The following SAMD4A variants were observed in gnomAD, a reference collection of about 807,000 sequenced individuals.
The protein encoded by SAMD4A is protein Smaug homolog 1.
Under a neutral mutation model 81.3 loss-of-function variants are expected in SAMD4A, and 33 were observed. That is an observed-to-expected ratio of 0.41 (90% CI 0.31 to 0.54). SAMD4A has a LOEUF of 0.54. SAMD4A is among the 20% of genes least tolerant of loss of function. The pLI is 0.37. For missense variants in SAMD4A, 854 were observed against 951.1 expected (o/e 0.90, Z 1.34); for synonymous variants, 389 against 382.1 (o/e 1.02, Z -0.21).
At chr14:54,788,780 C>G (rs757609882) in intron 12 of SAMD4A, 136 bp from the exon 13 acceptor site, 3 of 1,017,388 alleles carry the variant, frequency 2.9e-6, no homozygotes, top group Non-Finnish European at 4.6e-6. Context: ...TATGTAAATG[C>G]GTGAACACAT....
chr14:54,754,678 C>A, intron 6 of SAMD4A: 1 of 185,186 alleles, frequency 5.4e-6, no homozygotes, highest in Non-Finnish European at 1.0e-5. Flanking sequence ...CACCGCTGGG[C>A]TGATGATGCT....
rs749304710 is a variant in SAMD4A, at chr14:54,567,899, G to A, written c.-18G>A. On this transcript the variant is annotated 5_prime_UTR_variant, in exon 2 of 13. Transcript: ENST00000554335. ...GGGCGCCCAGGGGGCTCTGTAGACC[G>A]AGGGCGGCCCCCTAACCATGATGTT... 1.2e-6 allele frequency: 2 copies of A among 1,600,224 alleles called. No individual in the cohort carries two copies. Among genetic ancestry groups the A allele is most frequent in the Admixed American group, 1.7e-5 (1 of 59,406 alleles).
At chr14:54,696,418 A>T (rs1210172151) in intron 2 of SAMD4A, among the ~76,000 whole-genome samples, 3 of 152,216 alleles carry the variant, frequency 2.0e-5, no homozygotes, top group African/African-American at 7.2e-5. Flanking sequence ...ACCCACCAAT[A>T]TTCCTGCCTT....
chr14:54,627,387 C>T (rs1468760237), intron 2 of SAMD4A, among the ~76,000 whole-genome samples: 4 of 152,192 alleles, frequency 2.6e-5, no homozygotes, highest in Non-Finnish European at 2.9e-5. Flanking sequence ...CTGATCCTGT[C>T]CTGGACTAGC....
Position 54,567,630 on chromosome 14 carries a change from T to A in SAMD4A, c.-287T>A, listed in dbSNP as rs1415997495. ...AGAAAGCATTCTTCATTCAGTTGTG[T>A]GCCTTGTGGGGGATTTTTAAAAAGT... On this transcript the variant is annotated 5_prime_UTR_variant, in exon 2 of 13. Transcript: ENST00000554335. 2.3e-6 allele frequency: 1 copy of A among 439,714 alleles called. No individual in the cohort carries two copies. Among genetic ancestry groups the A allele is most frequent in the Non-Finnish European group, 4.0e-6 (1 of 249,766 alleles). The allele number at this position is 439,714 out of a possible 1,614,324, so 27.2% of individuals were successfully genotyped here. A position where few individuals can be genotyped will look rare whatever the true frequency, so the allele number is the denominator to read the frequency against.
chr14:54,777,619 C>T (rs1033222570), intron 11 of SAMD4A, among the ~76,000 whole-genome samples: 24 of 152,150 alleles, frequency 1.6e-4, no homozygotes, highest in African/African-American at 5.5e-4. Context: ...GGGGGGATTC[C>T]TCCACATGGG....
At chr14:54,724,540 T>C (rs1467762550) in intron 3 of SAMD4A, among the ~76,000 whole-genome samples, 1 of 152,216 alleles carries the variant, frequency 6.6e-6, no homozygotes, top group Admixed American at 6.5e-5. Flanking sequence ...TGCACTCTCC[T>C]GCGGCCTCTT....
intron 3 of SAMD4A, among the ~76,000 whole-genome samples, chr14:54,734,011 A>G (rs541878021): frequency 1.3e-5 from 2 of 152,258 alleles, no homozygotes; most frequent in East Asian, 3.9e-4. Flanking sequence ...CTTTCTGCCC[A>G]TGACAGTATT....
rs1302943075 is a variant in SAMD4A, at chr14:54,567,598, A to AG, written c.-313dup. ...AAATCACCATCCCAAAGCTGCAAGA[A>AG]GGGGGGAGAAAGCATTCTTCATTCA... On this transcript the variant is annotated 5_prime_UTR_variant, in exon 2 of 13. Transcript: ENST00000554335. The AG allele has an allele frequency of 1.5e-5, 5 of 337,342 alleles. No individual in the cohort carries two copies. The highest frequency in any genetic ancestry group is 3.4e-5 in the South Asian group (1 of 29,502). The allele number at this position is 337,342 out of a possible 1,614,324, so 20.9% of individuals were successfully genotyped here. A position where few individuals can be genotyped will look rare whatever the true frequency, so the allele number is the denominator to read the frequency against.
intron 2 of SAMD4A, among the ~76,000 whole-genome samples, chr14:54,593,814 A>G (rs538096777): frequency 1.4e-4 from 21 of 152,182 alleles, no homozygotes; most frequent in Non-Finnish European, 2.9e-4. Flanking sequence ...ATTCTCAGGC[A>G]GTGGGGAGAG....
chr14:54,579,465 T>C (rs574723917), intron 2 of SAMD4A, among the ~76,000 whole-genome samples: 2 of 152,372 alleles, frequency 1.3e-5, no homozygotes, highest in Admixed American at 1.3e-4. Context: ...ATTCCAGTTC[T>C]TAGGTAAATG....
rs139860598 is a variant in SAMD4A, at chr14:54,704,347, T to C, written c.715+1767T>C. On this transcript the variant is annotated intron_variant, in intron 3 of 12. Transcript: ENST00000554335. ...TTGAATAGCTGGGAGAGATGCAAAC[T>C]CTAAGCTGCCTGCCCTCTTAAAACT... 4.6e-5 allele frequency among the ~76,000 whole-genome samples: 7 copies of C among 152,346 alleles called. No homozygotes were observed. In the East Asian group the frequency reaches 1.3e-3, roughly 29 times the overall value.
At chr14:54,737,686 A>G (rs963316727) in intron 4 of SAMD4A, among the ~76,000 whole-genome samples, 1 of 150,782 alleles carries the variant, frequency 6.6e-6, no homozygotes, top group African/African-American at 2.4e-5. Context: ...CCTGTCAGTA[A>G]TTCAGAAAAA....
chr14:54,722,759 C>T (rs1026211733), intron 3 of SAMD4A, among the ~76,000 whole-genome samples: 7 of 152,060 alleles, frequency 4.6e-5, no homozygotes, highest in Admixed American at 1.3e-4. Context: ...TGAGTTAACT[C>T]GGGGGTAAAT....
intron 2 of SAMD4A, among the ~76,000 whole-genome samples, chr14:54,696,662 C>A (rs2036585393): frequency 6.6e-6 from 1 of 152,188 alleles, no homozygotes; most frequent in African/African-American, 2.4e-5. Context: ...GGTATTTAAA[C>A]ACACTCTTTG....
chr14:54,596,739 G>T (rs141688126), intron 2 of SAMD4A, among the ~76,000 whole-genome samples: 2 of 152,328 alleles, frequency 1.3e-5, no homozygotes, highest in East Asian at 3.9e-4. Flanking sequence ...GGTCCTGCTG[G>T]CAATCCCATT....
At chr14:54,690,512 A>C (rs956276698) in intron 2 of SAMD4A, among the ~76,000 whole-genome samples, 1 of 151,904 alleles carries the variant, frequency 6.6e-6, no homozygotes, top group African/African-American at 2.4e-5. Context: ...TACTCCTTAC[A>C]GTGTTGCCTG....
intron 2 of SAMD4A, among the ~76,000 whole-genome samples, chr14:54,613,695 T>G (rs10151671): frequency 5.0e-4 from 76 of 152,366 alleles, no homozygotes; most frequent in African/African-American, 1.8e-3. Flanking sequence ...TTATTTCACC[T>G]TGTTCCTTAA....
intron 2 of SAMD4A, among the ~76,000 whole-genome samples, chr14:54,699,560 T>G (rs956767598): frequency 1.7e-4 from 26 of 152,192 alleles, no homozygotes; most frequent in Non-Finnish European, 4.4e-5. Flanking sequence ...TTTAAGACTT[T>G]TAAAAGATTT....
Sources: allele counts gnomAD v4.1 joint callset (sites outside exome capture counted in the v4.1 genomes callset), GRCh38; gene constraint gnomAD v4.1.1; transcripts MANE v1.5; gene names NCBI Gene and HGNC (gene_info 2026-07-23, HGNC 2026-07-21).